The following TTC3 variants were observed in gnomAD, a reference collection of about 807,000 sequenced individuals.
The protein encoded by TTC3 is E3 ubiquitin-protein ligase TTC3.
TTC3 carries 180 observed loss-of-function variants against 249.6 expected under a neutral mutation model. The ratio of observed to expected loss-of-function variants is 0.72; its 90% CI spans 0.64 to 0.82. The LOEUF is 0.82. Among genes scored for constraint, TTC3 ranks in the 40% least tolerant of loss-of-function variants. The pLI, the probability that TTC3 is intolerant of heterozygous loss-of-function variation, is 0.00. For synonymous variants in TTC3, 717 were observed against 805.0 expected, an observed-to-expected ratio of 0.89 and a Z score of 1.85; for missense variants, 2,061 against 2,398.4, an observed-to-expected ratio of 0.86 and a Z score of 2.94.
chr21:37,112,415 C>G (rs2075755381), intron 11 of TTC3, among the ~76,000 whole-genome samples: 1 of 152,204 alleles, frequency 6.6e-6, no homozygotes, highest in Non-Finnish European at 1.5e-5. Flanking sequence ...GTAAACACCT[C>G]TACGCAAATA....
chr21:37,144,023 C>T lies in TTC3; in HGVS notation c.1773-502C>T, dbSNP rs11911306. Among the ~76,000 whole-genome samples the T allele has an allele frequency of 6.5e-3, 986 of 151,560 alleles. 12 individuals carry two copies. The highest frequency in any genetic ancestry group is 0.022 in the African/African-American group (920 of 41,218). On this transcript the variant is annotated intron_variant, in intron 20 of 45. Transcript: ENST00000355666. ...AAACCAAACACCGCATGTTCTCACTCGTAGGTGGGAATTGAACAATGAGAA... is the reference window on the plus strand; with the variant it reads ...AAACCAAACACCGCATGTTCTCACTTGTAGGTGGGAATTGAACAATGAGAA...
chr21:37,172,120 A>G (rs957787570), intron 34 of TTC3, among the ~76,000 whole-genome samples: 2 of 152,242 alleles, frequency 1.3e-5, no homozygotes, highest in Admixed American at 6.5e-5. Flanking sequence ...ATAACTGACA[A>G]TAATTCATAG....
At chr21:37,124,964 A>T (rs2147885877) in intron 14 of TTC3, among the ~76,000 whole-genome samples, 1 of 152,360 alleles carries the variant, frequency 6.6e-6, no homozygotes, top group South Asian at 2.1e-4. Context: ...AATCACATTT[A>T]TGTGTTTCCA....
intron 1 of TTC3, 127 bp from the exon 2 acceptor site, chr21:37,087,120 T>G (rs1008475564): frequency 1.0e-6 from 1 of 998,092 alleles, no homozygotes; most frequent in South Asian, 1.6e-5. Flanking sequence ...CTCAGTGTTC[T>G]GATAGGAGTT....
intron 34 of TTC3, among the ~76,000 whole-genome samples, chr21:37,171,508 C>A (rs1191316984): frequency 6.6e-6 from 1 of 152,150 alleles, no homozygotes; most frequent in African/African-American, 2.4e-5. Context: ...TAGCTTCCTG[C>A]CTGTCTCTGT....
intron 16 of TTC3, among the ~76,000 whole-genome samples, chr21:37,129,850 G>T (rs1366280292): frequency 1.3e-5 from 2 of 152,150 alleles, no homozygotes; most frequent in Non-Finnish European, 2.9e-5. Flanking sequence ...TTGCTCTGTT[G>T]CCCAGGCTGG....
At chr21:37,154,344 C>G (rs933199616) in intron 27 of TTC3, among the ~76,000 whole-genome samples, 1 of 152,184 alleles carries the variant, frequency 6.6e-6, no homozygotes, top group African/African-American at 2.4e-5. Context: ...AGATACTGGT[C>G]AGCTTCTGCC....
chr21:37,087,844 TAAAG>T lies in TTC3; in HGVS notation c.158_161del (p.Lys53IlefsTer34). 6.3e-7 allele frequency: 1 copy of T among 1,594,556 alleles called. No individual in the cohort carries two copies. Among genetic ancestry groups the T allele is most frequent in the Non-Finnish European group, 8.6e-7 (1 of 1,169,384 alleles). On this transcript the variant is annotated frameshift_variant, in exon 3 of 46. Transcript: ENST00000355666. LOFTEE classifies it high-confidence loss of function. ...TTTCTTCTTTTTAGGGTGTGCAATATAAAGATTATATCCAAAGTGAGAGGAATTT... is the reference window on the plus strand; with the variant it reads ...TTTCTTCTTTTTAGGGTGTGCAATATATTATATCCAAAGTGAGAGGAATTT...
intron 27 of TTC3, 43 bp downstream of exon 27, chr21:37,153,320 G>A (rs773025162): frequency 7.0e-5 from 107 of 1,527,740 alleles, no homozygotes; most frequent in Non-Finnish European, 9.1e-5. Flanking sequence ...TTAATACGAA[G>A]GGGAAGTGTA....
intron 11 of TTC3, among the ~76,000 whole-genome samples, chr21:37,120,403 G>A (rs1406087370): frequency 6.6e-6 from 1 of 152,158 alleles, no homozygotes; most frequent in Admixed American, 6.5e-5. Context: ...AGAAAAGTAT[G>A]GAGAAAAGAG....
chr21:37,104,494 G>A (rs1274282791), intron 10 of TTC3, among the ~76,000 whole-genome samples: 1 of 151,252 alleles, frequency 6.6e-6, no homozygotes, highest in Non-Finnish European at 1.5e-5. Context: ...GGAGGCTGAG[G>A]CAGGAGAATT....
intron 35 of TTC3, among the ~76,000 whole-genome samples, chr21:37,173,501 G>T (rs1294095781): frequency 2.6e-5 from 4 of 152,186 alleles, no homozygotes; most frequent in African/African-American, 4.8e-5. Flanking sequence ...TTGAATTAGT[G>T]AGAAAATGGA....
chr21:37,188,279 T>C (rs1319317343), intron 38 of TTC3: 1 of 453,578 alleles, frequency 2.2e-6, no homozygotes, highest in East Asian at 4.1e-5. Flanking sequence ...GCAAAAAGGA[T>C]CATGGAAGGT....
intron 35 of TTC3, among the ~76,000 whole-genome samples, chr21:37,178,197 A>G (rs1239027076): frequency 6.6e-6 from 1 of 152,240 alleles, no homozygotes; most frequent in Non-Finnish European, 1.5e-5. Flanking sequence ...GTATGACTAT[A>G]TCACATTTTA....
chr21:37,159,681 A>G lies in TTC3; in HGVS notation c.2993-18A>G. 2 of 1,611,576 alleles carry G rather than the reference A, an allele frequency of 1.2e-6. No individual in the cohort carries two copies. Among genetic ancestry groups the G allele is most frequent in the South Asian group, 1.1e-5 (1 of 90,502 alleles). ...AAATATTTAGTTTTCTCACAAAACC[A>G]TCTGTATATTCCTACAGACAGCCGC... On this transcript the variant is annotated intron_variant, in intron 28 of 45. Coordinates refer to ENST00000355666, the Ensembl canonical transcript of TTC3.
At chr21:37,113,843 T>C (rs944601593) in intron 11 of TTC3, among the ~76,000 whole-genome samples, 1 of 152,094 alleles carries the variant, frequency 6.6e-6, no homozygotes, top group Non-Finnish European at 1.5e-5. Context: ...AACAAAGATA[T>C]AGACCAATGG....
intron 35 of TTC3, among the ~76,000 whole-genome samples, chr21:37,175,357 G>A (rs2082168635): frequency 6.6e-6 from 1 of 151,718 alleles, no homozygotes; most frequent in Non-Finnish European, 1.5e-5. Context: ...AGCACTTTGG[G>A]AGGCCAAGGT....
intron 1 of TTC3, chr21:37,083,393 A>G (rs943397840): frequency 1.0e-6 from 1 of 985,354 alleles, no homozygotes; most frequent in Non-Finnish European, 1.2e-6. Context: ...TGATATGATC[A>G]GAGTTTTAGA....
exon 26 of TTC3, chr21:37,151,986 G>A: frequency 6.3e-7 from 1 of 1,598,222 alleles, no homozygotes; most frequent in Non-Finnish European, 8.5e-7. Flanking sequence ...GAATGGAGGA[G>A]GACTTAAGAG....
Sources: gnomAD v4.1 joint callset for allele counts (sites outside exome capture counted in the v4.1 genomes callset) on GRCh38, gnomAD v4.1.1 for gene constraint, MANE v1.5 for transcripts, NCBI Gene and HGNC (gene_info 2026-07-23, HGNC 2026-07-21) for gene names.